The following RPRD1A variants were observed in gnomAD, a reference collection of about 807,000 sequenced individuals.
RPRD1A encodes the protein regulation of nuclear pre-mRNA domain-containing protein 1A.
A neutral mutation model predicts 37.8 loss-of-function variants in RPRD1A; 9 were observed. The observed-to-expected ratio is 0.24, with a 90% CI of 0.14 to 0.42. The LOEUF is 0.42. Among genes scored for constraint, RPRD1A ranks in the 10% least tolerant of loss-of-function variants. The pLI, the probability that RPRD1A is intolerant of heterozygous loss-of-function variation, is 1.00. For missense variants in RPRD1A, 255 were observed against 371.0 expected, an observed-to-expected ratio of 0.69 and a Z score of 2.57; for synonymous variants, 138 against 139.7, an observed-to-expected ratio of 0.99 and a Z score of 0.08.
intron 6 of RPRD1A, among the ~76,000 whole-genome samples, chr18:36,012,387 TA>T (rs1014407111): frequency 2.0e-5 from 3 of 152,040 alleles, no homozygotes; most frequent in Non-Finnish European, 2.9e-5. Flanking sequence ...ATATACTCTA[TA>T]AAAAAAAGTT....
rs371752785 is a variant in RPRD1A, at chr18:36,027,226, G to A, written c.571C>T (p.Pro191Ser). Residue 191 changes from proline (P) to serine (S), a missense_variant, in exon 5 of 7, where the codon CCT becomes TCT. Physicochemically the swap from Pro to Ser is moderately conservative, Grantham distance 74. Around this residue, in one of 2 missense-constraint regions of RPRD1A, gnomAD observed 211 missense variants for 268.9 expected, o/e 0.78. Transcript: ENST00000399022. ...AGAGATACTTCTTGGACTTCAACAG[G>A]TAAAGAAGCTATCCTCTGATGAACT... is the stretch of plus-strand genomic sequence containing the variant. Reference protein sequence around the residue: ...AAVHQRIASLPVEVQEVSLLD... With the variant: ...AAVHQRIASLSVEVQEVSLLD... 4 of 1,613,244 alleles carry A rather than the reference G, an allele frequency of 2.5e-6. No individual in the cohort carries two copies. Among genetic ancestry groups the A allele is most frequent in the African/African-American group, 2.7e-5 (2 of 74,860 alleles).
intron 6 of RPRD1A, among the ~76,000 whole-genome samples, chr18:35,996,494 A>C (rs962751638): frequency 6.6e-6 from 1 of 152,200 alleles, no homozygotes; most frequent in Non-Finnish European, 1.5e-5. Context: ...AAACTGCTCA[A>C]GGTTCATTAA....
intron 6 of RPRD1A, among the ~76,000 whole-genome samples, chr18:35,998,531 T>C (rs1909230160): frequency 6.6e-6 from 1 of 152,150 alleles, no homozygotes; most frequent in Non-Finnish European, 1.5e-5. Flanking sequence ...TGTCCTTAAT[T>C]TACCCTTTAC....
At chr18:36,054,724 G>C (rs2144394644) in intron 1 of RPRD1A, among the ~76,000 whole-genome samples, 1 of 152,202 alleles carries the variant, frequency 6.6e-6, no homozygotes, top group South Asian at 2.1e-4. Context: ...AGCCAATGGA[G>C]TAGTTCCAGT....
At chr18:36,059,431 C>A (rs1307041849) in intron 1 of RPRD1A, among the ~76,000 whole-genome samples, 2 of 152,134 alleles carry the variant, frequency 1.3e-5, no homozygotes, top group East Asian at 1.9e-4. Context: ...CACCACCATA[C>A]CTGGCCTTAA....
In RPRD1A at chr18:36,059,109, A is replaced by G. The variant is rs574920850; in HGVS notation, c.151+8145T>C. Reference sequence around the variant, plus strand: ...TACATCTATCAAAACATCAAACTGTATCCCATAAATACATACAATTACAAT... The same window carrying G: ...TACATCTATCAAAACATCAAACTGTGTCCCATAAATACATACAATTACAAT... On this transcript the variant is annotated intron_variant, in intron 1 of 6. Transcript: ENST00000399022. 4.2e-4 allele frequency among the ~76,000 whole-genome samples: 64 copies of G among 152,302 alleles called. 1 individual carries two copies. The South Asian group carries it at 0.012, about 29-fold the overall frequency.
chr18:36,048,267 T>C (rs1047471617), intron 1 of RPRD1A, among the ~76,000 whole-genome samples: 1 of 152,074 alleles, frequency 6.6e-6, no homozygotes, highest in Non-Finnish European at 1.5e-5. Flanking sequence ...GGTTTCTCAG[T>C]GTTGGTCAGG....
intron 1 of RPRD1A, among the ~76,000 whole-genome samples, chr18:36,067,004 AC>A (rs1217646843): frequency 1.3e-5 from 2 of 151,968 alleles, no homozygotes; most frequent in South Asian, 2.1e-4. Context: ...TGGAGTCCCA[AC>A]CCCCTGCTAC....
At chr18:36,047,362 C>T (rs1913034412) in intron 1 of RPRD1A, among the ~76,000 whole-genome samples, 1 of 151,992 alleles carries the variant, frequency 6.6e-6, no homozygotes, top group Admixed American at 6.6e-5. Flanking sequence ...CAAAGGTACA[C>T]ATGAAAAAAG....
intron 6 of RPRD1A, among the ~76,000 whole-genome samples, chr18:36,024,313 ATT>A (rs781696260): frequency 2.1e-4 from 26 of 126,528 alleles, no homozygotes; most frequent in African/African-American, 2.1e-4. Flanking sequence ...CACCTGGTTA[ATT>A]TTTTTTTTTT....
intron 6 of RPRD1A, among the ~76,000 whole-genome samples, chr18:36,010,256 C>T (rs983266925): frequency 2.6e-5 from 4 of 151,954 alleles, no homozygotes; most frequent in Middle Eastern, 3.4e-3. Flanking sequence ...ATCGCTTGAG[C>T]CCAGGAATTC....
intron 1 of RPRD1A, among the ~76,000 whole-genome samples, chr18:36,046,797 C>T (rs1479306699): frequency 4.0e-5 from 6 of 151,098 alleles, no homozygotes; most frequent in South Asian, 2.1e-4. Context: ...ATGGTGCCAC[C>T]GCACTTCAGC....
intron 6 of RPRD1A, among the ~76,000 whole-genome samples, chr18:36,014,659 C>T (rs1454641715): frequency 2.0e-5 from 3 of 152,162 alleles, no homozygotes; most frequent in Non-Finnish European, 2.9e-5. Flanking sequence ...AGGAGAATGG[C>T]GTGAACCTGG....
intron 6 of RPRD1A, chr18:36,026,664 A>G (rs1911390809): frequency 5.4e-6 from 2 of 373,286 alleles, no homozygotes; most frequent in Non-Finnish European, 9.6e-6. Flanking sequence ...ATTTCACAAG[A>G]ATAATTTTTA....
At chr18:36,018,882 T>C (rs751030254) in intron 6 of RPRD1A, among the ~76,000 whole-genome samples, 8 of 152,094 alleles carry the variant, frequency 5.3e-5, no homozygotes, top group Non-Finnish European at 1.2e-4. Context: ...AGACTTGACA[T>C]AGGAATATAA....
chr18:36,034,220 G>C (rs993088430), intron 1 of RPRD1A, among the ~76,000 whole-genome samples: 9 of 152,080 alleles, frequency 5.9e-5, no homozygotes, highest in African/African-American at 2.2e-4. Flanking sequence ...AAGCTATTGT[G>C]AAACAACAGA....
intron 1 of RPRD1A, chr18:36,063,870 T>A (rs1444966814): frequency 2.0e-5 from 3 of 152,186 alleles, no homozygotes; most frequent in Non-Finnish European, 4.4e-5. Context: ...CAGCGGTATG[T>A]TCATCAGCAT....
chr18:36,055,946 C>T (rs1286959478), intron 1 of RPRD1A, among the ~76,000 whole-genome samples: 1 of 152,140 alleles, frequency 6.6e-6, no homozygotes, highest in Non-Finnish European at 1.5e-5. Flanking sequence ...ATGAACTTTT[C>T]ACAAAATTGT....
intron 6 of RPRD1A, among the ~76,000 whole-genome samples, chr18:35,999,551 A>T (rs1568112456): frequency 6.6e-6 from 1 of 152,192 alleles, no homozygotes. Context: ...CTTTAAATAC[A>T]TAATATTTCT....
Sources: allele counts gnomAD v4.1 joint callset (sites outside exome capture counted in the v4.1 genomes callset), GRCh38; gene constraint gnomAD v4.1.1; regional missense constraint gnomAD v4.1.1; transcripts MANE v1.5; gene names NCBI Gene and HGNC (gene_info 2026-07-23, HGNC 2026-07-21).